Variants in DLC1 observed in about 807,000 individuals in gnomAD.
DLC1 encodes DLC1 Rho GTPase activating protein.
Under a neutral mutation model 140.3 loss-of-function variants are expected in DLC1, and 54 were observed. The observed-to-expected ratio is 0.38, with a 90% CI of 0.31 to 0.48. The LOEUF is 0.48. Ranked by LOEUF, DLC1 falls within the 20% of genes least tolerant of loss-of-function variation. The pLI is 0.96. For missense variants in DLC1, 2,536 were observed against 1,907.0 expected, an observed-to-expected ratio of 1.33 and a Z score of -6.14; for synonymous variants, 986 against 728.1, an observed-to-expected ratio of 1.35 and a Z score of -5.70.
chr8:13,581,080 C>G (rs1033475310), intron 1 of DLC1, among the ~76,000 whole-genome samples: 3 of 152,174 alleles, frequency 2.0e-5, no homozygotes, highest in Non-Finnish European at 2.9e-5. Context: ...TGGAGTCAGA[C>G]TCTATTACAA....
chr8:13,515,429 C>T (rs2062070), upstream of DLC1: 150,065 of 152,322 alleles, frequency 0.99, 73,973 homozygotes, highest in East Asian at 1. Flanking sequence ...TAAAATAGTT[C>T]GTGTTATGGC....
At chr8:13,480,426 C>T (rs1800674766) in intron 2 of DLC1, among the ~76,000 whole-genome samples, 1 of 151,992 alleles carries the variant, frequency 6.6e-6, no homozygotes, top group African/African-American at 2.4e-5. Context: ...GAACTTGATG[C>T]CTGCCTGGTT....
intron 5 of DLC1, chr8:13,133,293 TCCCGCGCGCTCCGCCAGCC>T: frequency 8.0e-7 from 1 of 1,257,506 alleles, no homozygotes; most frequent in Non-Finnish European, 1.0e-6. Flanking sequence ...GCGAACTGTC[TCCCGCGCGCTCCGCCAGCC>T]GGGCCCTCCC....
chr8:13,107,143 A>C (rs1378886342), intron 7 of DLC1, among the ~76,000 whole-genome samples: 1 of 152,230 alleles, frequency 6.6e-6, no homozygotes, highest in Non-Finnish European at 1.5e-5. Flanking sequence ...AATGCTGGTT[A>C]GCAATCTAAA....
intron 1 of DLC1, among the ~76,000 whole-genome samples, chr8:13,600,148 G>A (rs1328951991): frequency 6.6e-6 from 1 of 151,778 alleles, no homozygotes; most frequent in Non-Finnish European, 1.5e-5. Context: ...GAGTATAAGG[G>A]GCCCCAAAGT....
chr8:13,194,529 C>T (rs1027116608), intron 5 of DLC1, among the ~76,000 whole-genome samples: 59 of 152,294 alleles, frequency 3.9e-4, no homozygotes, highest in African/African-American at 1.3e-3. Context: ...AAAATGTTTG[C>T]AAATGCTGTT....
chr8:13,210,237 T>G (rs1205787256), intron 5 of DLC1, among the ~76,000 whole-genome samples: 2 of 152,222 alleles, frequency 1.3e-5, no homozygotes, highest in East Asian at 3.9e-4. Context: ...AGTTCTATCC[T>G]GTTCTTTTGT....
At chr8:13,207,840 G>T (rs908591903) in intron 5 of DLC1, among the ~76,000 whole-genome samples, 1 of 152,142 alleles carries the variant, frequency 6.6e-6, no homozygotes, top group Non-Finnish European at 1.5e-5. Context: ...TGCCCAAAAC[G>T]TCAATGGTGC....
intron 4 of DLC1, among the ~76,000 whole-genome samples, chr8:13,307,009 G>A (rs965761679): frequency 1.3e-4 from 19 of 147,714 alleles, no homozygotes; most frequent in African/African-American, 3.5e-4. Context: ...TCTTGAACCC[G>A]GGAGATAGAA....
chr8:13,576,790 C>T (rs577128019), intron 1 of DLC1, among the ~76,000 whole-genome samples: 2 of 152,228 alleles, frequency 1.3e-5, no homozygotes, highest in Admixed American at 6.5e-5. Flanking sequence ...GTGGTTAAAG[C>T]CTAGGCTGCA....
At chr8:13,336,337 A>G (rs1218710343) in intron 4 of DLC1, among the ~76,000 whole-genome samples, 1 of 152,222 alleles carries the variant, frequency 6.6e-6, no homozygotes, top group African/African-American at 2.4e-5. Flanking sequence ...TAGAAATTCT[A>G]AAGTATCAAT....
chr8:13,516,191 AATTATT>A (rs1802580418), upstream of DLC1, among the ~76,000 whole-genome samples: 1 of 152,164 alleles, frequency 6.6e-6, no homozygotes, highest in Admixed American at 6.5e-5. Context: ...TGATCAGATT[AATTATT>A]AGGTCTATCT....
chr8:13,242,424 CT>C (rs1162597796), intron 5 of DLC1, among the ~76,000 whole-genome samples: 2 of 150,778 alleles, frequency 1.3e-5, no homozygotes, highest in African/African-American at 4.9e-5. Context: ...GAGACAAGGT[CT>C]CTCTCTGTTG....
At chr8:13,116,897 T>G (rs1433236369) in intron 5 of DLC1, among the ~76,000 whole-genome samples, 1 of 152,230 alleles carries the variant, frequency 6.6e-6, no homozygotes, top group Non-Finnish European at 1.5e-5. Flanking sequence ...ATCTTTTCAG[T>G]GCAGCAGTGA....
At chr8:13,093,024 T>A (rs1315143519) in intron 12 of DLC1, among the ~76,000 whole-genome samples, 199 bp from the exon 13 acceptor site, 6 of 152,142 alleles carry the variant, frequency 3.9e-5, no homozygotes, top group Admixed American at 3.9e-4. Context: ...TCCTGCCTCA[T>A]GAAGGAGTGA....
chr8:13,169,564 C>A (rs1382649450), intron 5 of DLC1, among the ~76,000 whole-genome samples: 1 of 152,148 alleles, frequency 6.6e-6, no homozygotes, highest in Non-Finnish European at 1.5e-5. Context: ...GGTTTCAGTT[C>A]ACCCTTGAGC....
intron 2 of DLC1, among the ~76,000 whole-genome samples, chr8:13,454,499 G>C (rs1270333430): frequency 6.6e-6 from 1 of 152,140 alleles, no homozygotes; most frequent in African/African-American, 2.4e-5. Flanking sequence ...AGTTAGACTT[G>C]GAACAAATGT....
chr8:13,357,777 A>C (rs1283638904), intron 4 of DLC1, among the ~76,000 whole-genome samples: 2 of 152,236 alleles, frequency 1.3e-5, no homozygotes, highest in African/African-American at 2.4e-5. Flanking sequence ...ATGAAAATCC[A>C]GATGGATGAA....
chr8:13,483,822 C>T (rs926644274), intron 2 of DLC1, among the ~76,000 whole-genome samples: 4 of 152,032 alleles, frequency 2.6e-5, no homozygotes, highest in African/African-American at 9.7e-5. Context: ...TGGCTCACAC[C>T]TGTAATCCCA....
Sources: gnomAD v4.1 joint callset for allele counts (sites outside exome capture counted in the v4.1 genomes callset) on GRCh38, gnomAD v4.1.1 for gene constraint, MANE v1.5 for transcripts, NCBI Gene and HGNC (gene_info 2026-07-23, HGNC 2026-07-21) for gene names.